The following CAPZB variants were observed in gnomAD, a reference collection of about 807,000 sequenced individuals.
The protein encoded by CAPZB is capping actin protein of muscle Z-line subunit beta, also known as F-actin-capping protein subunit beta.
CAPZB carries 2 observed loss-of-function variants against 38.1 expected under a neutral mutation model. The ratio of observed to expected loss-of-function variants is 0.05; its 90% CI spans 0.02 to 0.17. CAPZB has a LOEUF of 0.17. Among genes scored for constraint, CAPZB ranks in the 10% least tolerant of loss-of-function variants. CAPZB has a pLI of 1.00. For missense variants in CAPZB, 161 were observed against 334.2 expected, an observed-to-expected ratio of 0.48 and a Z score of 4.04; for synonymous variants, 107 against 127.4, an observed-to-expected ratio of 0.84 and a Z score of 1.08.
chr1:19,484,297 C>G (rs778249164), intron 1 of CAPZB: 4 of 1,607,396 alleles, frequency 2.5e-6, no homozygotes, highest in Non-Finnish European at 3.4e-6. Flanking sequence ...AGGCCATATG[C>G]TGGATCCAGG....
At position 19,452,577 on chromosome 1, in the gene CAPZB, A is replaced by C. The variant is rs202229645; in HGVS notation, c.4-32827T>G. Reference sequence around the variant, plus strand: ...TACACACCCTGAAGGCAGAGTCAGCACGCCCAAATCCTGTGGGGCCTGATG... The same window carrying C: ...TACACACCCTGAAGGCAGAGTCAGCCCGCCCAAATCCTGTGGGGCCTGATG... On this transcript the variant is annotated intron_variant, in intron 1 of 8. Transcript: ENST00000264202. Among the ~76,000 whole-genome samples the C allele has an allele frequency of 3.3e-5, 5 of 152,222 alleles. No individual in the cohort carries two copies. The East Asian group carries it at 9.7e-4, about 29-fold the overall frequency.
chr1:19,409,836 A>G (rs1055246490), intron 2 of CAPZB, among the ~76,000 whole-genome samples: 2 of 152,208 alleles, frequency 1.3e-5, no homozygotes, highest in African/African-American at 4.8e-5. Context: ...TCATTTCGGC[A>G]CTGGCTTATG....
At chr1:19,397,864 G>A (rs775367468) in intron 2 of CAPZB, among the ~76,000 whole-genome samples, 3 of 152,174 alleles carry the variant, frequency 2.0e-5, no homozygotes, top group Middle Eastern at 3.2e-3. Flanking sequence ...ACCCGAATGC[G>A]GGAGGAGCCA....
At chr1:19,362,222 C>T (rs1043878047) in intron 4 of CAPZB, among the ~76,000 whole-genome samples, 5 of 152,048 alleles carry the variant, frequency 3.3e-5, no homozygotes, top group Non-Finnish European at 7.4e-5. Context: ...GTCTCTCTGT[C>T]GCCCAGGCTG....
chr1:19,340,735 T>G (rs1217040619), intron 8 of CAPZB, among the ~76,000 whole-genome samples: 1 of 152,136 alleles, frequency 6.6e-6, no homozygotes, highest in Non-Finnish European at 1.5e-5. Context: ...AATTTACAGA[T>G]GAGGAAACTG....
At chr1:19,402,107 C>T (rs1197067911) in intron 2 of CAPZB, among the ~76,000 whole-genome samples, 1 of 152,174 alleles carries the variant, frequency 6.6e-6, no homozygotes, top group Non-Finnish European at 1.5e-5. Context: ...TCTCCTCTGC[C>T]AAAATCTACG....
At chr1:19,484,344 C>T (rs1440203559) in intron 1 of CAPZB, 2 of 1,567,602 alleles carry the variant, frequency 1.3e-6, no homozygotes, top group South Asian at 1.2e-5. Flanking sequence ...CTCACAAGGG[C>T]GATTGTGCGT....
Position 19,357,576 on chromosome 1 carries a change from G to A in CAPZB, c.330-13C>T. On this transcript the variant is annotated splice_polypyrimidine_tract_variant and intron_variant, in intron 4 of 8. Coordinates refer to ENST00000264202, the MANE Select transcript of CAPZB (RefSeq NM_004930.5). This position sits in a 1 kb window ranked among gnomAD's most constrained non-coding sequence, Gnocchi z 4.3. ...ACCTTCAAAATACCTGCAGGAAACA[G>A]GCCAATGTGCCTGTTAGATGCTAAA... The A allele has an allele frequency of 6.2e-7, 1 of 1,613,936 alleles. No homozygotes were observed. Among genetic ancestry groups the A allele is most frequent in the Non-Finnish European group, 8.5e-7 (1 of 1,179,902 alleles).
At chr1:19,361,647 C>T (rs922136857) in intron 4 of CAPZB, among the ~76,000 whole-genome samples, 2 of 152,216 alleles carry the variant, frequency 1.3e-5, no homozygotes, top group Admixed American at 6.5e-5. Context: ...TATTTCTTAC[C>T]TACTGTACTT....
intron 1 of CAPZB, among the ~76,000 whole-genome samples, chr1:19,471,865 C>CAAAAAAAA (rs59289947): frequency 3.7e-5 from 5 of 134,420 alleles, no homozygotes; most frequent in African/African-American, 1.5e-4. Context: ...GACTCCGTCT[C>CAAAAAAAA]AAAAAAAAAA....
chr1:19,417,072 C>T (rs1254633685), intron 2 of CAPZB, among the ~76,000 whole-genome samples: 5 of 151,990 alleles, frequency 3.3e-5, no homozygotes, highest in Non-Finnish European at 5.9e-5. Context: ...ACCATCAATG[C>T]TGCAATTTCC....
At chr1:19,391,744 C>T (rs1411730983) in intron 2 of CAPZB, among the ~76,000 whole-genome samples, 2 of 152,152 alleles carry the variant, frequency 1.3e-5, no homozygotes, top group Non-Finnish European at 2.9e-5. Context: ...GTTACAACAT[C>T]CATGTCAAGG....
At chr1:19,349,794 T>C (rs1423155870) in intron 6 of CAPZB, among the ~76,000 whole-genome samples, 1 of 150,802 alleles carries the variant, frequency 6.6e-6, no homozygotes, top group Non-Finnish European at 1.5e-5. Context: ...AGGAGAAAGG[T>C]GCTTGGGGAG....
At chr1:19,398,675 T>C (rs2094286149) in intron 2 of CAPZB, among the ~76,000 whole-genome samples, 1 of 151,502 alleles carries the variant, frequency 6.6e-6, no homozygotes, top group Non-Finnish European at 1.5e-5. Flanking sequence ...TTTCACTGAG[T>C]CACCCATAGA....
chr1:19,372,816 G>A (rs1212584835), intron 4 of CAPZB, among the ~76,000 whole-genome samples: 2 of 152,138 alleles, frequency 1.3e-5, no homozygotes, highest in East Asian at 3.9e-4. Context: ...TCCCCTGGAT[G>A]AGTCAGGCCC....
At chr1:19,442,929 G>T (rs542671774) in intron 1 of CAPZB, among the ~76,000 whole-genome samples, 2 of 152,100 alleles carry the variant, frequency 1.3e-5, no homozygotes, top group African/African-American at 2.4e-5. Context: ...CAGTGGTGCT[G>T]AAGGAGGCCT....
intron 6 of CAPZB, among the ~76,000 whole-genome samples, chr1:19,348,374 T>C (rs562598028): frequency 2.0e-5 from 3 of 152,134 alleles, no homozygotes; most frequent in Admixed American, 6.5e-5. Context: ...TGTGTGCCAC[T>C]GTACCCTGCT....
At chr1:19,448,981 G>A in intron 1 of CAPZB, 1 of 1,600,794 alleles carries the variant, frequency 6.2e-7, no homozygotes. Flanking sequence ...AAGAGGAAGT[G>A]GAAACATGAC....
At chr1:19,421,308 G>C (rs2094400188) in intron 1 of CAPZB, among the ~76,000 whole-genome samples, 1 of 152,114 alleles carries the variant, frequency 6.6e-6, no homozygotes, top group Non-Finnish European at 1.5e-5. Flanking sequence ...AGTCACCAGA[G>C]ACATAACACA....
Sources: gnomAD v4.1 joint callset for allele counts (sites outside exome capture counted in the v4.1 genomes callset) on GRCh38, gnomAD v4.1.1 for gene constraint, Gnocchi (gnomAD v3.1) non-coding constraint, MANE v1.5 for transcripts, NCBI Gene and HGNC (gene_info 2026-07-23, HGNC 2026-07-21) for gene names.